The following IRGM variants were observed in gnomAD, a reference collection of about 807,000 sequenced individuals.
IRGM encodes the protein immunity related GTPase M.
For missense variants in IRGM, 288 were observed against 219.9 expected (o/e 1.31, Z -1.96); for synonymous variants, 98 against 80.6 (o/e 1.22, Z -1.16).
At chr5:150,883,237 C>G (rs1754470882) in intron 3 of IRGM, among the ~76,000 whole-genome samples, 1 of 151,928 alleles carries the variant, frequency 6.6e-6, no homozygotes, top group Non-Finnish European at 1.5e-5. Context: ...AAATAATACT[C>G]TATTGCGCAC....
Position 150,896,887 on chromosome 5 carries a change from C to T in IRGM, c.*141-3702C>T, listed in dbSNP as rs779916263. The T allele has an allele frequency of 2.9e-5, 46 of 1,613,440 alleles. No homozygotes were observed. The South Asian group carries it at 4.6e-4, about 16-fold the overall frequency. Reference sequence around the variant, plus strand: ...TTTAAAATGGAGCACAATGAACCATCCCTTGTGACTCCTTTCAGTATCTTA... The same window carrying T: ...TTTAAAATGGAGCACAATGAACCATTCCTTGTGACTCCTTTCAGTATCTTA... On this transcript the variant is annotated intron_variant and NMD_transcript_variant, in intron 3 of 3. Transcript: ENST00000520549.
chr5:150,871,879 C>T (rs771103682), intron 1 of IRGM, among the ~76,000 whole-genome samples: 1 of 152,168 alleles, frequency 6.6e-6, no homozygotes, highest in African/African-American at 2.4e-5. Context: ...TGGGCTCTGC[C>T]CGGAGCTCAT....
rs10051924 is a variant in IRGM, at chr5:150,847,077, T to A, written c.-559T>A. ...TGAAAAAGAGCAGAGCATTTGAGTATGCTGTCTCCTCCTCTCCCTCACTTC... is the reference window on the plus strand; with the variant it reads ...TGAAAAAGAGCAGAGCATTTGAGTAAGCTGTCTCCTCCTCTCCCTCACTTC... On this transcript the variant is annotated 5_prime_UTR_variant, in exon 1 of 2. The change abolishes an upstream ATG in the 5' untranslated region. Transcript: ENST00000522154. The A allele has an allele frequency of 6.6e-6, 1 of 152,214 alleles. No homozygotes were observed. The highest frequency in any genetic ancestry group is 2.4e-5 in the African/African-American group (1 of 41,352). The allele number at this position is 152,214 out of a possible 1,614,324, so 9.4% of individuals were successfully genotyped here. A position where few individuals can be genotyped will look rare whatever the true frequency, so the allele number is the denominator to read the frequency against.
At position 150,896,079 on chromosome 5, in the gene IRGM, C is replaced by T. The variant is rs575599619; in HGVS notation, c.*141-4510C>T. On this transcript the variant is annotated intron_variant and NMD_transcript_variant, in intron 3 of 3. Transcript: ENST00000520549. ...CTGTGACTTCTGGGAAAAGGCCTTC[C>T]CACACTCTCTACATTCATAGGGTTT... 9.3e-6 allele frequency: 15 copies of T among 1,613,450 alleles called. No homozygotes were observed. Among genetic ancestry groups the T allele is most frequent in the Non-Finnish European group, 7.6e-6 (9 of 1,179,734 alleles).
At chr5:150,889,831 T>C (rs993607233) in intron 3 of IRGM, among the ~76,000 whole-genome samples, 2 of 152,098 alleles carry the variant, frequency 1.3e-5, no homozygotes, top group African/African-American at 4.8e-5. Context: ...GTGACTTACA[T>C]TGATTGATTT....
At position 150,858,546 on chromosome 5, in the gene IRGM, TC is replaced by T. The variant is rs1027840826; in HGVS notation, c.158+9894del. Among the ~76,000 whole-genome samples, 145 of 152,364 alleles carry T rather than the reference TC, an allele frequency of 9.5e-4. 2 individuals are homozygous for T. The highest frequency in any genetic ancestry group is 3.3e-3 in the African/African-American group (139 of 41,576). ...TGGCCATTTTCACGATATTGATTCT[TC>T]CTACCCATAAGCATGGAATGTTCTT... On this transcript the variant is annotated intron_variant and NMD_transcript_variant, in intron 1 of 3. Transcript: ENST00000520549.
At chr5:150,885,837 A>G (rs574430512) in intron 3 of IRGM, among the ~76,000 whole-genome samples, 2 of 152,068 alleles carry the variant, frequency 1.3e-5, no homozygotes, top group Non-Finnish European at 1.5e-5. Context: ...GGTTTTTTAG[A>G]TATAGAACCG....
chr5:150,883,592 T>C (rs1754475992), intron 3 of IRGM, among the ~76,000 whole-genome samples: 1 of 151,932 alleles, frequency 6.6e-6, no homozygotes, highest in Non-Finnish European at 1.5e-5. Flanking sequence ...TACAAAGGAT[T>C]ATGAGACTAC....
At chr5:150,893,163 T>C (rs1399327385) in intron 3 of IRGM, among the ~76,000 whole-genome samples, 3 of 152,150 alleles carry the variant, frequency 2.0e-5, no homozygotes, top group Admixed American at 6.6e-5. Context: ...GTTTTACCCA[T>C]TTGGATAACT....
At chr5:150,858,879 T>C (rs1241995629) in intron 1 of IRGM, among the ~76,000 whole-genome samples, 1 of 152,164 alleles carries the variant, frequency 6.6e-6, no homozygotes, top group African/African-American at 2.4e-5. Context: ...CAAACAGGGA[T>C]AATTTGACTT....
Position 150,874,917 on chromosome 5 carries a change from T to C in IRGM, c.159-3063T>C, listed in dbSNP as rs561649647. Among the ~76,000 whole-genome samples the C allele has an allele frequency of 2.6e-5, 4 of 152,326 alleles. No individual in the cohort carries two copies. In the South Asian group the frequency reaches 8.3e-4, roughly 32 times the overall value. On this transcript the variant is annotated intron_variant and NMD_transcript_variant, in intron 1 of 3. Transcript: ENST00000520549. ...GAACATTTGACTATGGGTCATCAAG[T>C]TACCATGCAACCTGAACTGTCTATC...
chr5:150,848,619 A>C lies in IRGM; in HGVS notation c.496A>C (p.Arg166=), dbSNP rs1283743101. Residue 166 remains arginine (R), a synonymous_variant, in exon 2 of 2, where the codon AGA becomes CGA. Coordinates refer to ENST00000522154, the MANE Select transcript of IRGM (RefSeq NM_001145805.2). The stretch of plus-strand genomic sequence containing the variant: ...CCCAGAAGTGCAGCTACTGCAGATC[A>C]GAGAAAATGTCCTGGAAAATCTCCA... ...ALPEVQLLQI[R]ENVLENLQKE... The C allele has an allele frequency of 6.5e-7, 1 of 1,547,366 alleles. No homozygotes were observed. The highest frequency in any genetic ancestry group is 8.7e-7 in the Non-Finnish European group (1 of 1,143,684).
intron 1 of IRGM, among the ~76,000 whole-genome samples, chr5:150,869,927 C>A (rs1754259153): frequency 1.3e-5 from 2 of 152,140 alleles, no homozygotes; most frequent in African/African-American, 4.8e-5. Context: ...AAGATATTTG[C>A]AAATTCCCCC....
At chr5:150,865,318 AAAAC>A (rs1430862504) in intron 1 of IRGM, among the ~76,000 whole-genome samples, 1 of 152,194 alleles carries the variant, frequency 6.6e-6, no homozygotes, top group Non-Finnish European at 1.5e-5. Flanking sequence ...AAAAAGAACT[AAAAC>A]AGGCAGGAGA....
chr5:150,889,102 A>G (rs1273315286), intron 3 of IRGM, among the ~76,000 whole-genome samples: 2 of 151,566 alleles, frequency 1.3e-5, no homozygotes, highest in Non-Finnish European at 2.9e-5. Context: ...CTAAGATCTT[A>G]CTAATCTCAA....
intron 3 of IRGM, among the ~76,000 whole-genome samples, chr5:150,888,640 T>G (rs1464912514): frequency 1.4e-5 from 2 of 139,836 alleles, no homozygotes; most frequent in Non-Finnish European, 3.0e-5. Context: ...AAAATAGGAG[T>G]CAAGACTGAG....
chr5:150,858,897 T>C (rs1754096368), intron 1 of IRGM, among the ~76,000 whole-genome samples: 1 of 152,168 alleles, frequency 6.6e-6, no homozygotes, highest in Admixed American at 6.5e-5. Flanking sequence ...CTTCCTCTTT[T>C]CCTAATTGGA....
At chr5:150,860,966 A>T (rs553260574) in intron 1 of IRGM, among the ~76,000 whole-genome samples, 43 of 152,304 alleles carry the variant, frequency 2.8e-4, no homozygotes, top group African/African-American at 9.6e-4. Flanking sequence ...ATGTCTGTCA[A>T]GATTTTAAGA....
At chr5:150,869,046 A>T (rs560924865) in intron 1 of IRGM, among the ~76,000 whole-genome samples, 2 of 152,240 alleles carry the variant, frequency 1.3e-5, no homozygotes, top group South Asian at 4.1e-4. Context: ...GATAGTGGGC[A>T]TTCTTGTCTT....
Sources: gnomAD v4.1 joint callset for allele counts (sites outside exome capture counted in the v4.1 genomes callset) on GRCh38, gnomAD v4.1.1 for gene constraint, MANE v1.5 for transcripts, NCBI Gene and HGNC (gene_info 2026-07-23, HGNC 2026-07-21) for gene names.